The following TBL1X variants were observed in gnomAD, a reference collection of about 807,000 sequenced individuals.
TBL1X encodes transducin beta like 1 X-linked.
A neutral mutation model predicts 50.7 loss-of-function variants in TBL1X; 10 were observed. The ratio of observed to expected loss-of-function variants is 0.20; its 90% CI spans 0.12 to 0.33. TBL1X has a LOEUF of 0.33. Ranked by LOEUF, TBL1X falls within the 10% of genes least tolerant of loss-of-function variation. The probability of loss-of-function intolerance (pLI) is 1.00; values close to 1 mark genes in which losing one functional copy is unlikely to be tolerated. For missense variants in TBL1X, 340 were observed against 504.4 expected (o/e 0.67, Z 3.12); for synonymous variants, 190 against 214.7 (o/e 0.88, Z 1.01).
intron 5 of TBL1X, among the ~76,000 whole-genome samples, chrX:9,665,539 A>ATATATATATATATATATATATATAT (rs3043954): frequency 4.8e-5 from 3 of 62,919 alleles, no homozygotes; most frequent in Non-Finnish European, 5.7e-5. Context: ...ATATATATAT[A>ATATATATATATATATATATATATAT]AAAGGCCTTG....
At chrX:9,518,703 T>A (rs2082092858) in intron 2 of TBL1X, among the ~76,000 whole-genome samples, 1 of 110,814 alleles carries the variant, frequency 9.0e-6, no homozygotes, top group Non-Finnish European at 1.9e-5. Flanking sequence ...AAGATGACCT[T>A]TGTTCATGGC....
intron 1 of TBL1X, among the ~76,000 whole-genome samples, chrX:9,472,863 A>G (rs1317899401): frequency 1.8e-5 from 2 of 109,597 alleles, no homozygotes; most frequent in Non-Finnish European, 3.8e-5. Context: ...CAGTGAGCCA[A>G]GATTGCGCCA....
chrX:9,523,959 CCTT>C (rs1245423022), intron 2 of TBL1X, among the ~76,000 whole-genome samples: 21 of 79,398 alleles, frequency 2.6e-4, no homozygotes, highest in African/African-American at 1.0e-3. Context: ...GTCATTTTAA[CCTT>C]TTTTTTTTTT....
chrX:9,597,447 C>T (rs746240786), intron 2 of TBL1X, among the ~76,000 whole-genome samples: 3 of 111,404 alleles, frequency 2.7e-5, no homozygotes, highest in Non-Finnish European at 5.7e-5. Flanking sequence ...AAGTCTTTAC[C>T]TTTCATCTCC....
At chrX:9,658,925 C>T (rs917438301) in intron 5 of TBL1X, among the ~76,000 whole-genome samples, 1 of 111,874 alleles carries the variant, frequency 8.9e-6, no homozygotes, top group East Asian at 2.8e-4. Flanking sequence ...CCACCTCAGT[C>T]GCCCAAGCAG....
intron 13 of TBL1X, 147 bp from the exon 14 acceptor site, chrX:9,709,101 T>C (rs1025499333): frequency 2.0e-5 from 10 of 500,241 alleles, no homozygotes; most frequent in African/African-American, 9.7e-5. Context: ...GGAAACTAGA[T>C]GGCTGGTTGG....
intron 1 of TBL1X, among the ~76,000 whole-genome samples, chrX:9,489,572 T>C (rs1200214259): frequency 2.7e-5 from 3 of 111,543 alleles, no homozygotes; most frequent in Non-Finnish European, 5.7e-5. Flanking sequence ...GTTGAAATGA[T>C]GTGTCTCCTC....
chrX:9,484,317 T>TACACACACAC (rs746013426), intron 1 of TBL1X, among the ~76,000 whole-genome samples: 3,065 of 108,779 alleles, frequency 0.028, 136 homozygotes, highest in African/African-American at 0.099. Context: ...CGTTTTTTCA[T>TACACACACAC]ACACACACAC....
intron 1 of TBL1X, among the ~76,000 whole-genome samples, chrX:9,498,022 C>T (rs930710484): frequency 1.8e-5 from 2 of 108,736 alleles, no homozygotes; most frequent in Non-Finnish European, 3.8e-5. Context: ...ATGCATGAGC[C>T]ACTATGCCAG....
At chrX:9,556,157 C>T (rs2082296955) in intron 2 of TBL1X, among the ~76,000 whole-genome samples, 1 of 107,969 alleles carries the variant, frequency 9.3e-6, no homozygotes, top group Non-Finnish European at 1.9e-5. Context: ...CCACTGTATT[C>T]CAGCCTAGGT....
intron 1 of TBL1X, among the ~76,000 whole-genome samples, chrX:9,474,907 T>C (rs917030645): frequency 3.5e-5 from 4 of 112,761 alleles, no homozygotes; most frequent in Non-Finnish European, 7.5e-5. Context: ...AGAGTCTCAC[T>C]CTGTCGCCTA....
At chrX:9,555,824 G>C (rs1400784381) in intron 2 of TBL1X, among the ~76,000 whole-genome samples, 1 of 111,739 alleles carries the variant, frequency 8.9e-6, no homozygotes, top group Non-Finnish European at 1.9e-5. Flanking sequence ...AAAGGAGTCA[G>C]GCCCCTTTTT....
chrX:9,541,630 T>C (rs746069059), intron 2 of TBL1X, among the ~76,000 whole-genome samples: 3 of 112,729 alleles, frequency 2.7e-5, no homozygotes, highest in African/African-American at 9.7e-5. Flanking sequence ...ACATTTCTGT[T>C]CTAGTGTTGG....
chrX:9,484,226 A>T (rs768548497), intron 1 of TBL1X, among the ~76,000 whole-genome samples: 1 of 109,613 alleles, frequency 9.1e-6, no homozygotes, highest in African/African-American at 3.3e-5. Context: ...CTGGTCTCAA[A>T]CTCCTGGGCT....
At chrX:9,684,290 G>A in intron 6 of TBL1X, 102 bp downstream of exon 6, 1 of 1,086,652 alleles carries the variant, frequency 9.2e-7, no homozygotes, top group Non-Finnish European at 1.2e-6. Context: ...CAGGCATTTG[G>A]GATTAATTCC....
intron 1 of TBL1X, among the ~76,000 whole-genome samples, chrX:9,487,924 C>A (rs766375951): frequency 3.0e-3 from 339 of 111,486 alleles, no homozygotes; most frequent in Non-Finnish European, 5.4e-3. Flanking sequence ...TTTTCTACGG[C>A]GTCCCCAAAG....
intron 2 of TBL1X, among the ~76,000 whole-genome samples, chrX:9,575,649 G>A (rs1260864239): frequency 1.8e-5 from 2 of 111,839 alleles, no homozygotes; most frequent in Non-Finnish European, 3.8e-5. Flanking sequence ...TTAAGCACAC[G>A]TTTTTGTGTG....
At chrX:9,613,035 T>C (rs1218971950) in intron 2 of TBL1X, among the ~76,000 whole-genome samples, 3 of 106,858 alleles carry the variant, frequency 2.8e-5, no homozygotes, top group African/African-American at 1.0e-4. Context: ...GTACAAATTA[T>C]TACCAAAAAA....
chrX:9,657,093 A>T (rs779243830), intron 5 of TBL1X, among the ~76,000 whole-genome samples: 1 of 112,292 alleles, frequency 8.9e-6, no homozygotes, highest in African/African-American at 3.2e-5. Flanking sequence ...AGTTGTCAGT[A>T]AATTCTGGGT....
Sources: allele counts gnomAD v4.1 joint callset (sites outside exome capture counted in the v4.1 genomes callset), GRCh38; gene constraint gnomAD v4.1.1; transcripts MANE v1.5; gene names NCBI Gene and HGNC (gene_info 2026-07-23, HGNC 2026-07-21).